The following CYFIP1 variants were observed in gnomAD, a reference collection of about 807,000 sequenced individuals.
CYFIP1 encodes the protein cytoplasmic FMR1-interacting protein 1.
CYFIP1 carries 58 observed loss-of-function variants against 163.5 expected under a neutral mutation model. That is an observed-to-expected ratio of 0.35 (90% confidence interval 0.29 to 0.44). The LOEUF (loss-of-function observed/expected upper bound fraction) is 0.44, where lower values mean the gene tolerates loss of function less well. Among genes scored for constraint, CYFIP1 ranks in the 20% least tolerant of loss-of-function variants. CYFIP1 has a pLI of 1.00. For missense variants in CYFIP1, 1,338 were observed against 1,653.8 expected, an observed-to-expected ratio of 0.81 and a Z score of 3.31; for synonymous variants, 663 against 660.7, an observed-to-expected ratio of 1.00 and a Z score of -0.05.
intron 25 of CYFIP1, among the ~76,000 whole-genome samples, chr15:22,880,287 A>C (rs921435892): frequency 1.3e-5 from 2 of 152,186 alleles, no homozygotes; most frequent in Non-Finnish European, 2.9e-5. Flanking sequence ...ACTCAACCTC[A>C]TATCTTTAGG....
chr15:22,912,596 CA>C (rs1372174498), intron 17 of CYFIP1, among the ~76,000 whole-genome samples: 5 of 152,294 alleles, frequency 3.3e-5, no homozygotes, highest in Non-Finnish European at 5.9e-5. Flanking sequence ...GGATTTTTAA[CA>C]AAAGAAAATT....
chr15:22,909,096 T>C, intron 21 of CYFIP1, 98 bp downstream of exon 21: 2 of 1,496,720 alleles, frequency 1.3e-6, no homozygotes, highest in Non-Finnish European at 1.8e-6. Flanking sequence ...AGGCTTGGTA[T>C]AGGCCACGCC....
At position 22,875,890 on chromosome 15, in the gene CYFIP1, A is replaced by ACATATATATATATATATATATATATATG. The variant is rs1595491064; in HGVS notation, c.3043-620_3043-619insCATATATATATATATATATATATATATG. Among the ~76,000 whole-genome samples, 111 of 133,088 alleles carry ACATATATATATATATATATATATATATG rather than the reference A, an allele frequency of 8.3e-4. 8 individuals carry two copies. Among genetic ancestry groups the ACATATATATATATATATATATATATATG allele is most frequent in the African/African-American group, 2.3e-3 (73 of 31,160 alleles). 87.3% of individuals were successfully genotyped at this position (133,088 alleles called of 152,430 possible). On this transcript the variant is annotated intron_variant, in intron 26 of 30. Coordinates refer to ENST00000617928, the MANE Select transcript of CYFIP1 (RefSeq NM_014608.6). ...AGGTCCGTTCTCCAGAATAACATAT[A>ACATATATATATATATATATATATATATG]TATATATAAAGAAAATGTACCTCCA...
At chr15:22,941,179 C>G (rs1267946180) in intron 6 of CYFIP1, among the ~76,000 whole-genome samples, 1 of 152,092 alleles carries the variant, frequency 6.6e-6, no homozygotes, top group East Asian at 1.9e-4. Flanking sequence ...CCTCAGCGTC[C>G]CAAGTAGCTG....
intron 11 of CYFIP1, 59 bp downstream of exon 11, chr15:22,932,164 G>T: frequency 8.0e-7 from 1 of 1,246,076 alleles, no homozygotes; most frequent in Non-Finnish European, 1.1e-6. Context: ...TAAGATTTGG[G>T]TGCAAACACA....
At chr15:22,914,620 G>T in intron 17 of CYFIP1, 106 bp downstream of exon 17, 1 of 1,244,098 alleles carries the variant, frequency 8.0e-7, no homozygotes, top group South Asian at 1.8e-5. Context: ...CCAGAAACTT[G>T]ATTTCAAATA....
At chr15:22,975,949 TG>T (rs2063260163) in intron 1 of CYFIP1, among the ~76,000 whole-genome samples, 1 of 152,114 alleles carries the variant, frequency 6.6e-6, no homozygotes, top group South Asian at 2.1e-4. Context: ...AAATTGGAAT[TG>T]GGTTAAATTT....
In CYFIP1 at chr15:22,867,562, G is replaced by C. The variant is rs2059193650; in HGVS notation, c.*2466C>G. ...TCTTCAGTTACCCTAATCCCATGAT[G>C]CCTGGAACCTTGATTACCGTTTTAC... On this transcript the variant is annotated 3_prime_UTR_variant, in exon 31 of 31. Coordinates refer to ENST00000617928, the MANE Select transcript of CYFIP1 (RefSeq NM_014608.6). The C allele has an allele frequency of 4.8e-6, 1 of 207,850 alleles. No individual in the cohort carries two copies. Among genetic ancestry groups the C allele is most frequent in the South Asian group, 1.9e-4 (1 of 5,328 alleles). 12.9% of individuals were successfully genotyped at this position (207,850 alleles called of 1,614,324 possible). A position where few individuals can be genotyped will look rare whatever the true frequency, so the allele number is the denominator to read the frequency against.
chr15:22,939,723 T>C (rs560574427), intron 6 of CYFIP1, among the ~76,000 whole-genome samples: 1 of 152,240 alleles, frequency 6.6e-6, no homozygotes, highest in East Asian at 1.9e-4. Context: ...TAGACGTGTC[T>C]TGCACAGGCT....
At chr15:22,965,036 TTGTGTGTGTGTGTG>T (rs56857768) in intron 1 of CYFIP1, among the ~76,000 whole-genome samples, 5 of 149,514 alleles carry the variant, frequency 3.3e-5, no homozygotes, top group African/African-American at 7.3e-5. Context: ...TAGTATTCCA[TTGTGTGTGTGTGTG>T]TGTGTGTGTG....
chr15:22,871,174 A>G (rs1019045217), intron 30 of CYFIP1, among the ~76,000 whole-genome samples: 3 of 152,206 alleles, frequency 2.0e-5, no homozygotes, highest in Admixed American at 6.5e-5. Flanking sequence ...AGCAATCTAA[A>G]TTAACTCCAG....
chr15:22,976,316 C>G (rs2063277685), intron 1 of CYFIP1, among the ~76,000 whole-genome samples: 1 of 152,178 alleles, frequency 6.6e-6, no homozygotes. Context: ...CGCCACCATG[C>G]CCAACTAATT....
chr15:22,947,841 G>A (rs2062112622), intron 1 of CYFIP1: 1 of 655,058 alleles, frequency 1.5e-6, no homozygotes, highest in Non-Finnish European at 1.9e-6. Context: ...GCTGCCGCAG[G>A]GGACAGAAAG....
intron 13 of CYFIP1, among the ~76,000 whole-genome samples, chr15:22,922,629 T>C (rs1280581348): frequency 6.6e-6 from 1 of 152,192 alleles, no homozygotes; most frequent in Non-Finnish European, 1.5e-5. Flanking sequence ...TGTCAAACGC[T>C]GTATAAAAAT....
intron 24 of CYFIP1, 126 bp from the exon 25 acceptor site, chr15:22,882,062 G>A (rs552626580): frequency 2.0e-5 from 15 of 757,728 alleles, no homozygotes; most frequent in South Asian, 6.9e-5. Context: ...CTGCAGGATC[G>A]TCTGGCTGGG....
rs139615694 is a variant in CYFIP1, at chr15:22,903,830, C to T, written c.2464G>A (p.Asp822Asn). The change falls in exon 22 of 31, where the codon GAC becomes AAC. Residue 822 changes from aspartate to asparagine, a missense_variant. Around this residue, in one of 4 missense-constraint regions of CYFIP1, gnomAD observed 824 missense variants for 995.7 expected, o/e 0.83. Transcript: ENST00000617928. Reference protein sequence around the residue: ...LSRYLTLDGFDAMFREANHNV... With the variant: ...LSRYLTLDGFNAMFREANHNV... ...TGGTTGGCCTCCCGGAACATGGCGT[C>T]GAAGCCGTCCAGCGTCAGGTACCGG... 2.7e-4 allele frequency: 433 copies of T among 1,614,178 alleles called. 1 individual carries two copies. Among genetic ancestry groups the T allele is most frequent in the Non-Finnish European group, 3.3e-4 (395 of 1,180,042 alleles).
At chr15:22,933,733 G>A in intron 10 of CYFIP1, 69 bp downstream of exon 10, 1 of 1,110,602 alleles carries the variant, frequency 9.0e-7, no homozygotes, top group South Asian at 1.3e-5. Context: ...AAATAAGCAG[G>A]ATGTTTGAAA....
chr15:22,920,589 T>G (rs2061142968), intron 13 of CYFIP1, among the ~76,000 whole-genome samples: 1 of 152,204 alleles, frequency 6.6e-6, no homozygotes, highest in Admixed American at 6.5e-5. Context: ...AAGTTGACAG[T>G]CTGCTTTTAA....
At chr15:22,885,499 G>A (rs761117140) in intron 23 of CYFIP1, among the ~76,000 whole-genome samples, 8 of 152,160 alleles carry the variant, frequency 5.3e-5, no homozygotes, top group Non-Finnish European at 1.2e-4. Flanking sequence ...TTGGGAGGCC[G>A]AGGTGGGTGG....
Sources: allele counts gnomAD v4.1 joint callset (sites outside exome capture counted in the v4.1 genomes callset), GRCh38; gene constraint gnomAD v4.1.1; regional missense constraint gnomAD v4.1.1; transcripts MANE v1.5; gene names NCBI Gene and HGNC (gene_info 2026-07-23, HGNC 2026-07-21).